PTPRO: variants seen among roughly 807,000 people sequenced by gnomAD.
PTPRO encodes the protein receptor-type tyrosine-protein phosphatase O.
In PTPRO, 62 loss-of-function variants were observed where a neutral mutation model predicts 145.2. The ratio of observed to expected loss-of-function variants is 0.43; its 90% CI spans 0.35 to 0.53. The LOEUF (loss-of-function observed/expected upper bound fraction) is 0.53. Ranked by LOEUF, PTPRO falls within the 20% of genes least tolerant of loss-of-function variation. The pLI is 0.01. For missense variants in PTPRO, 1,345 were observed against 1,482.7 expected (o/e 0.91, Z 1.53); for synonymous variants, 565 against 514.7 (o/e 1.10, Z -1.32).
At chr12:15,468,288 G>A (rs993606854) in intron 1 of PTPRO, among the ~76,000 whole-genome samples, 1 of 152,152 alleles carries the variant, frequency 6.6e-6, no homozygotes, top group African/African-American at 2.4e-5. Flanking sequence ...TATTACAGAA[G>A]GTAAATCAGA....
chr12:15,457,651 C>T (rs992993811), intron 1 of PTPRO, among the ~76,000 whole-genome samples: 35 of 151,858 alleles, frequency 2.3e-4, no homozygotes, highest in African/African-American at 8.5e-4. Flanking sequence ...TAGGTATTAT[C>T]TTTGTGGTTA....
In PTPRO at chr12:15,430,671, T is replaced by C. The variant is rs539061302; in HGVS notation, c.76-53303T>C. 2.8e-4 allele frequency among the ~76,000 whole-genome samples: 43 copies of C among 152,274 alleles called. No individual in the cohort carries two copies. In the South Asian group the frequency reaches 8.9e-3, roughly 32 times the overall value. ...GAGATCTATTGTACATCATGGATGC[T>C]TAGTAACAATATATTATACACTTGA... On this transcript the variant is annotated intron_variant, in intron 1 of 26. Coordinates refer to ENST00000281171, the MANE Select transcript of PTPRO (RefSeq NM_030667.3).
intron 1 of PTPRO, among the ~76,000 whole-genome samples, chr12:15,425,275 T>G (rs559930739): frequency 1.3e-5 from 2 of 152,066 alleles, no homozygotes; most frequent in Admixed American, 1.3e-4. Flanking sequence ...TATTCTAATG[T>G]TTTTTTACAA....
At chr12:15,378,304 G>T (rs1344303049) in intron 1 of PTPRO, among the ~76,000 whole-genome samples, 1 of 151,796 alleles carries the variant, frequency 6.6e-6, no homozygotes, top group South Asian at 2.1e-4. Flanking sequence ...AATGAAAAAG[G>T]AGACAGCCCT....
At chr12:15,547,114 C>T (rs545164267) in intron 13 of PTPRO, among the ~76,000 whole-genome samples, 24 of 152,220 alleles carry the variant, frequency 1.6e-4, no homozygotes, top group African/African-American at 5.1e-4. Context: ...ATGGTGTAGA[C>T]ATTGCATAAG....
At chr12:15,356,216 A>G (rs1402679446) in intron 1 of PTPRO, among the ~76,000 whole-genome samples, 1 of 152,228 alleles carries the variant, frequency 6.6e-6, no homozygotes, top group South Asian at 2.1e-4. Context: ...CATAATAACC[A>G]TTTGATATTG....
At chr12:15,360,351 A>G (rs1311692580) in intron 1 of PTPRO, among the ~76,000 whole-genome samples, 1 of 152,222 alleles carries the variant, frequency 6.6e-6, no homozygotes, top group Non-Finnish European at 1.5e-5. Flanking sequence ...ATCTCTGATT[A>G]TAAGTAGAAA....
intron 13 of PTPRO, among the ~76,000 whole-genome samples, chr12:15,547,000 A>G (rs1257062151): frequency 6.6e-6 from 1 of 152,338 alleles, no homozygotes; most frequent in Admixed American, 6.5e-5. Context: ...AGACCCTACA[A>G]TATAAAATAT....
At chr12:15,515,995 T>A (rs866302496) in intron 8 of PTPRO, among the ~76,000 whole-genome samples, 1 of 137,056 alleles carries the variant, frequency 7.3e-6, no homozygotes, top group Non-Finnish European at 1.6e-5. Context: ...TTGTTTTGTT[T>A]TTTTTTTTTT....
rs1349321752 is a variant in PTPRO at position 15,496,134 on chromosome 12, C to CTTTTTTTTTTTTTTTTTTTTTTTTT, written c.350-1104_350-1103insTTTTTTTTTTTTTTTTTTTTTTTTT. Among the ~76,000 whole-genome samples, 6 of 93,132 alleles carry CTTTTTTTTTTTTTTTTTTTTTTTTT rather than the reference C, an allele frequency of 6.4e-5. 1 individual carries two copies. Among genetic ancestry groups the CTTTTTTTTTTTTTTTTTTTTTTTTT allele is most frequent in the Non-Finnish European group, 8.9e-5 (4 of 44,910 alleles). 61.1% of individuals were successfully genotyped at this position (93,132 alleles called of 152,430 possible). A position where few individuals can be genotyped will look rare whatever the true frequency, so the allele number is the denominator to read the frequency against. ...TTTTACTTATGTTCATTTTTCTTTT[C>CTTTTTTTTTTTTTTTTTTTTTTTTT]TTTTTTTGTTTTTTTTTTTTTTTTT... is the stretch of plus-strand genomic sequence containing the variant. On this transcript the variant is annotated intron_variant, in intron 2 of 26. Transcript: ENST00000281171.
chr12:15,349,456 T>C (rs1326136657), intron 1 of PTPRO, among the ~76,000 whole-genome samples: 2 of 152,226 alleles, frequency 1.3e-5, no homozygotes, highest in Non-Finnish European at 2.9e-5. Flanking sequence ...GGGGCAACAC[T>C]GTATGCAGAG....
rs571929986 is a variant in PTPRO, at chr12:15,518,765, G to T, written c.1780-1436G>T. Among the ~76,000 whole-genome samples, 6 of 152,250 alleles carry T rather than the reference G, an allele frequency of 3.9e-5. No individual in the cohort carries two copies. In the East Asian group the frequency reaches 1.2e-3, roughly 29 times the overall value. Reference sequence around the variant, plus strand: ...CTAAAACGTAACAAGAATCACCTTTGCTCCAGTTCCCGACAAGTTCTTCAT... The same window carrying T: ...CTAAAACGTAACAAGAATCACCTTTTCTCCAGTTCCCGACAAGTTCTTCAT... On this transcript the variant is annotated intron_variant, in intron 9 of 26. Coordinates refer to ENST00000281171, the MANE Select transcript of PTPRO (RefSeq NM_030667.3).
At chr12:15,549,996 A>G (rs1009763355) in intron 14 of PTPRO, among the ~76,000 whole-genome samples, 1 of 152,096 alleles carries the variant, frequency 6.6e-6, no homozygotes, top group Non-Finnish European at 1.5e-5. Context: ...AAGTATTTTA[A>G]TGGTCTCTCA....
intron 16 of PTPRO, among the ~76,000 whole-genome samples, chr12:15,559,920 C>T (rs755096333): frequency 2.6e-5 from 4 of 152,096 alleles, no homozygotes; most frequent in Admixed American, 1.3e-4. Context: ...AATGTAATCA[C>T]CTGGTAGCAG....
chr12:15,526,764 A>G (rs1425561558), intron 12 of PTPRO, among the ~76,000 whole-genome samples: 1 of 152,092 alleles, frequency 6.6e-6, no homozygotes, highest in East Asian at 1.9e-4. Flanking sequence ...GGTCAGACAC[A>G]ACTACTCTAA....
chr12:15,491,304 A>G (rs554556857), intron 2 of PTPRO, among the ~76,000 whole-genome samples: 231 of 152,346 alleles, frequency 1.5e-3, no homozygotes, highest in Middle Eastern at 3.4e-3. Flanking sequence ...TTTAGTTTGT[A>G]TTCTTTAGTC....
intron 25 of PTPRO, among the ~76,000 whole-genome samples, chr12:15,593,429 A>G (rs1221806706): frequency 1.3e-5 from 2 of 152,230 alleles, no homozygotes; most frequent in African/African-American, 4.8e-5. Flanking sequence ...TTCTTGGCAG[A>G]AAGATATATT....
At chr12:15,402,254 G>A (rs1399380098) in intron 1 of PTPRO, among the ~76,000 whole-genome samples, 1 of 152,140 alleles carries the variant, frequency 6.6e-6, no homozygotes, top group Non-Finnish European at 1.5e-5. Context: ...TGGGCATGGT[G>A]GTGTGTGCCT....
intron 17 of PTPRO, among the ~76,000 whole-genome samples, chr12:15,563,435 A>G (rs1943825211): frequency 6.6e-6 from 1 of 152,110 alleles, no homozygotes; most frequent in African/African-American, 2.4e-5. Context: ...ATGTAGGAAC[A>G]TTTTATCAGT....
Sources: gnomAD v4.1 joint callset for allele counts (sites outside exome capture counted in the v4.1 genomes callset) on GRCh38, gnomAD v4.1.1 for gene constraint, MANE v1.5 for transcripts, NCBI Gene and HGNC (gene_info 2026-07-23, HGNC 2026-07-21) for gene names.